The following HS6ST3 variants were observed in gnomAD, a reference collection of about 807,000 sequenced individuals.
The protein encoded by HS6ST3 is heparan-sulfate 6-O-sulfotransferase 3.
A neutral mutation model predicts 36.7 loss-of-function variants in HS6ST3; 12 were observed. The observed-to-expected ratio is 0.33, with a 90% CI of 0.21 to 0.53. The LOEUF (loss-of-function observed/expected upper bound fraction) is 0.53. Among genes scored for constraint, HS6ST3 ranks in the 20% least tolerant of loss-of-function variants. The pLI is 0.95. For missense variants in HS6ST3, 584 were observed against 640.9 expected (o/e 0.91, Z 0.96); for synonymous variants, 240 against 257.5 (o/e 0.93, Z 0.65).
intron 1 of HS6ST3, among the ~76,000 whole-genome samples, chr13:96,782,967 C>T (rs554238321): frequency 7.2e-5 from 11 of 152,202 alleles, no homozygotes; most frequent in African/African-American, 2.6e-4. Flanking sequence ...GCCAGAAATT[C>T]TCATCTATAA....
At chr13:96,192,273 A>G (rs2054291745) in intron 1 of HS6ST3, among the ~76,000 whole-genome samples, 1 of 152,160 alleles carries the variant, frequency 6.6e-6, no homozygotes, top group Non-Finnish European at 1.5e-5. Context: ...ACCAAATATG[A>G]TAATTTTTTT....
chr13:96,273,599 C>G (rs2054731745), intron 1 of HS6ST3, among the ~76,000 whole-genome samples: 1 of 150,754 alleles, frequency 6.6e-6, no homozygotes, highest in Non-Finnish European at 1.5e-5. Flanking sequence ...TTGTTTGTTG[C>G]TGATGCATAA....
At chr13:96,549,738 T>G (rs1337552035) in intron 1 of HS6ST3, among the ~76,000 whole-genome samples, 1 of 152,166 alleles carries the variant, frequency 6.6e-6, no homozygotes, top group Non-Finnish European at 1.5e-5. Flanking sequence ...TTGATAGCTG[T>G]ACCAAGATGT....
chr13:96,754,141 T>C (rs1446743137), intron 1 of HS6ST3, among the ~76,000 whole-genome samples: 2 of 152,126 alleles, frequency 1.3e-5, no homozygotes, highest in Non-Finnish European at 2.9e-5. Context: ...TGATCCAAGT[T>C]TTTGGAGCAT....
intron 1 of HS6ST3, among the ~76,000 whole-genome samples, chr13:96,720,415 C>T (rs1219962870): frequency 1.3e-5 from 2 of 152,080 alleles, no homozygotes; most frequent in African/African-American, 4.8e-5. Context: ...GGAAGAAAAC[C>T]TGAGATTCAT....
chr13:96,365,611 A>G (rs2055259211), intron 1 of HS6ST3, among the ~76,000 whole-genome samples: 1 of 151,698 alleles, frequency 6.6e-6, no homozygotes, highest in Non-Finnish European at 1.5e-5. Flanking sequence ...CTTTGTGAAA[A>G]CTCTTGTGTC....
At chr13:96,245,776 C>T (rs997476218) in intron 1 of HS6ST3, among the ~76,000 whole-genome samples, 17 of 152,090 alleles carry the variant, frequency 1.1e-4, no homozygotes, top group African/African-American at 4.1e-4. Context: ...ATCTACTGCT[C>T]ATGCTAGGTT....
At chr13:96,394,654 G>A (rs1176924900) in intron 1 of HS6ST3, among the ~76,000 whole-genome samples, 1 of 152,192 alleles carries the variant, frequency 6.6e-6, no homozygotes, top group Non-Finnish European at 1.5e-5. Flanking sequence ...AGAAAGGCAT[G>A]AGTATAGCAT....
chr13:96,194,376 A>C (rs535090107), intron 1 of HS6ST3, among the ~76,000 whole-genome samples: 1 of 152,302 alleles, frequency 6.6e-6, no homozygotes, highest in Admixed American at 6.5e-5. Context: ...CGTCAATTAT[A>C]AATTCAGGGA....
chr13:96,826,419 T>C lies in HS6ST3; in HGVS notation c.708-6071T>C, dbSNP rs533482140. Among the ~76,000 whole-genome samples, 7 of 152,140 alleles carry C rather than the reference T, an allele frequency of 4.6e-5. No homozygotes were observed. The East Asian group carries it at 1.4e-3, about 29-fold the overall frequency. ...TGATAATGTTCTTTTACATAGCAAT[T>C]TTTTTTTAATATCTGCTGTGAGTAG... On this transcript the variant is annotated intron_variant, in intron 1 of 1. Coordinates refer to ENST00000376705, the MANE Select transcript of HS6ST3 (RefSeq NM_153456.4).
At chr13:96,243,752 G>T (rs951003963) in intron 1 of HS6ST3, among the ~76,000 whole-genome samples, 2 of 151,982 alleles carry the variant, frequency 1.3e-5, no homozygotes, top group African/African-American at 4.8e-5. Context: ...AAAATTATGA[G>T]TTTAAATTTT....
At chr13:96,160,994 C>T (rs578108859) in intron 1 of HS6ST3, among the ~76,000 whole-genome samples, 5 of 152,266 alleles carry the variant, frequency 3.3e-5, no homozygotes, top group African/African-American at 1.2e-4. Context: ...TGATTCTGTA[C>T]TTCCTTAATG....
intron 1 of HS6ST3, among the ~76,000 whole-genome samples, chr13:96,177,200 G>C (rs77798030): frequency 6.6e-6 from 1 of 152,158 alleles, no homozygotes. Flanking sequence ...AACCATTGTG[G>C]AAAGCAGTAT....
chr13:96,715,279 CAAAT>C (rs1471687932), intron 1 of HS6ST3, among the ~76,000 whole-genome samples: 1 of 151,794 alleles, frequency 6.6e-6, no homozygotes, highest in Admixed American at 6.6e-5. Context: ...AAAAAACATT[CAAAT>C]GAATGAAGAA....
At chr13:96,820,243 A>G (rs1226062405) in intron 1 of HS6ST3, among the ~76,000 whole-genome samples, 1 of 152,204 alleles carries the variant, frequency 6.6e-6, no homozygotes, top group Non-Finnish European at 1.5e-5. Context: ...GTAGTTTGAA[A>G]ACTTAAAAAA....
intron 1 of HS6ST3, among the ~76,000 whole-genome samples, chr13:96,120,396 T>G (rs918720369): frequency 1.3e-5 from 2 of 152,258 alleles, no homozygotes; most frequent in African/African-American, 4.8e-5. Flanking sequence ...TGTTCTTGAC[T>G]ATTTTAAGGC....
intron 1 of HS6ST3, among the ~76,000 whole-genome samples, chr13:96,119,279 A>G (rs889018838): frequency 6.6e-6 from 1 of 152,160 alleles, no homozygotes; most frequent in Non-Finnish European, 1.5e-5. Flanking sequence ...AATGCAGAGT[A>G]TGAAAGCCAT....
chr13:96,820,487 A>G (rs1173561577), intron 1 of HS6ST3, among the ~76,000 whole-genome samples: 2 of 152,276 alleles, frequency 1.3e-5, no homozygotes, highest in East Asian at 1.9e-4. Context: ...CGGAGTGTGT[A>G]TATAAATGGT....
chr13:96,505,603 G>T (rs2056023038), intron 1 of HS6ST3, among the ~76,000 whole-genome samples: 1 of 152,112 alleles, frequency 6.6e-6, no homozygotes, highest in South Asian at 2.1e-4. Flanking sequence ...AAACACATTT[G>T]CAGGAATTAT....
Sources: allele counts gnomAD v4.1 joint callset (sites outside exome capture counted in the v4.1 genomes callset), GRCh38; gene constraint gnomAD v4.1.1; transcripts MANE v1.5; gene names NCBI Gene and HGNC (gene_info 2026-07-23, HGNC 2026-07-21).